The following CEP170B variants were observed in gnomAD, a reference collection of about 807,000 sequenced individuals.
The protein encoded by CEP170B is centrosomal protein 170B.
CEP170B carries 55 observed loss-of-function variants against 120.6 expected under a neutral mutation model. The ratio of observed to expected loss-of-function variants is 0.46; its 90% CI spans 0.37 to 0.57. The LOEUF (loss-of-function observed/expected upper bound fraction) is 0.57, where lower values mean the gene tolerates loss of function less well. Ranked by LOEUF, CEP170B falls within the 20% of genes least tolerant of loss-of-function variation. The probability of loss-of-function intolerance (pLI) is 0.00; values close to 1 mark genes in which losing one functional copy is unlikely to be tolerated. For synonymous variants in CEP170B, 1,033 were observed against 954.5 expected (o/e 1.08, Z -1.52); for missense variants, 2,212 against 2,253.3 (o/e 0.98, Z 0.37).
At chr14:104,874,511 C>T (rs980103449) in intron 2 of CEP170B, among the ~76,000 whole-genome samples, 5 of 152,060 alleles carry the variant, frequency 3.3e-5, no homozygotes, top group Admixed American at 1.3e-4. Flanking sequence ...TGGGAAACCA[C>T]GGGCTGTGTC....
chr14:104,869,253 A>T (rs1379200167), intron 2 of CEP170B, among the ~76,000 whole-genome samples: 2 of 152,072 alleles, frequency 1.3e-5, no homozygotes, highest in African/African-American at 4.8e-5. Flanking sequence ...CCTGTGAACG[A>T]GTTGGGCTCC....
Position 104,889,663 on chromosome 14 carries a change from C to T in CEP170B, c.3783C>T (p.Ser1261=). The T allele has an allele frequency of 6.2e-7, 1 of 1,612,174 alleles. No homozygotes were observed. Among genetic ancestry groups the T allele is most frequent in the Non-Finnish European group, 8.5e-7 (1 of 1,179,740 alleles). ...CTGGCAGCTCCAGCCGGGCTCGTTCCCGGGCCCCCGGCCCCCGGGACACGG... is the reference window on the plus strand; with the variant it reads ...CTGGCAGCTCCAGCCGGGCTCGTTCTCGGGCCCCCGGCCCCCGGGACACGG... ...PRAGSSSRAR[S]RAPGPRDTDD... is the part of the protein sequence containing the mutation. The change falls in exon 13 of 19, where the codon TCC becomes TCT. Residue 1261 remains serine, a synonymous_variant. Transcript: ENST00000414716.
At chr14:104,888,965 G>A (rs1029654875) in intron 12 of CEP170B, among the ~76,000 whole-genome samples, 4 of 152,222 alleles carry the variant, frequency 2.6e-5, no homozygotes, top group Non-Finnish European at 1.5e-5. Flanking sequence ...ATCATGCCCC[G>A]CTACAGTGCA....
intron 15 of CEP170B, 36 bp from the exon 16 acceptor site, chr14:104,893,725 C>A: frequency 6.3e-7 from 1 of 1,589,200 alleles, no homozygotes; most frequent in Non-Finnish European, 8.6e-7. Context: ...CGGGGCTCCT[C>A]GAGGGCGGGG....
At position 104,884,246 on chromosome 14, in the gene CEP170B, CT is replaced by C; in HGVS notation, c.1469del (p.Phe490SerfsTer41). The C allele has an allele frequency of 6.5e-7, 1 of 1,544,978 alleles. No homozygotes were observed. Among genetic ancestry groups the C allele is most frequent in the Admixed American group, 2.0e-5 (1 of 51,258 alleles). ...SPASRTPARP[F>X]GSVGRRSRLA... The stretch of plus-strand genomic sequence containing the variant: ...CCGCCTCCCGAACCCCTGCCCGCCC[CT>C]TCGGAAGCGTGGGGCGCCGCTCCCG... On this transcript the variant is annotated frameshift_variant, in exon 9 of 19. Transcript: ENST00000414716. LOFTEE classifies it high-confidence loss of function.
Position 104,894,345 on chromosome 14 carries a change from G to A in CEP170B, c.4332G>A (p.Glu1444=), listed in dbSNP as rs1414346465. The A allele has an allele frequency of 1.2e-6, 2 of 1,613,622 alleles. No homozygotes were observed. Among genetic ancestry groups the A allele is most frequent in the Admixed American group, 3.3e-5 (2 of 60,022 alleles). The change falls in exon 17 of 19, where the codon GAG becomes GAA. Residue 1444 remains glutamate (E), a synonymous_variant. Transcript: ENST00000414716. ...ACCTGGAAGCCAGGATCAACGCCGA[G>A]AACGAGGTGCCCATCCTGAAGACAT... ...WEDLEARINA[E]NEVPILKTSN... is the part of the protein sequence containing the mutation.
At position 104,868,301 on chromosome 14, in the gene CEP170B, C is replaced by T; in HGVS notation, c.-27-123C>T. 1 of 688,934 alleles carries T rather than the reference C, an allele frequency of 1.5e-6. No homozygotes were observed. The highest frequency in any genetic ancestry group is 1.9e-5 in the South Asian group (1 of 52,466). 42.7% of individuals were successfully genotyped at this position (688,934 alleles called of 1,614,324 possible). Reference sequence around the variant, plus strand: ...GCGGGTGGCCTGATGAGGCTGGAGCCCAGCTTCTCCGGAAGCTGCCAGCTT... The same window carrying T: ...GCGGGTGGCCTGATGAGGCTGGAGCTCAGCTTCTCCGGAAGCTGCCAGCTT... On this transcript the variant is annotated intron_variant, in intron 1 of 18. Coordinates refer to ENST00000414716, the MANE Select transcript of CEP170B (RefSeq NM_001112726.3). This position sits in a 1 kb window ranked among gnomAD's most constrained non-coding sequence, Gnocchi z 5.9.
chr14:104,879,560 G>A (rs748405476), intron 5 of CEP170B, among the ~76,000 whole-genome samples: 9 of 152,126 alleles, frequency 5.9e-5, no homozygotes, highest in Admixed American at 3.9e-4. Context: ...ATCTCCTCCC[G>A]CACTGCCCGC....
At position 104,876,286 on chromosome 14, in the gene CEP170B, A is replaced by G; in HGVS notation, c.136A>G (p.Ile46Val). Residue 46 changes from isoleucine (I) to valine (V), a missense_variant, in exon 3 of 19, where the codon ATC (isoleucine) becomes GTC (valine). This residue lies in a region of CEP170B where 46 missense variants were observed against 86.6 expected (regional missense o/e 0.53). Coordinates refer to ENST00000414716, the MANE Select transcript of CEP170B (RefSeq NM_001112726.3). ...CAGCGTGGACAAGCAGCATGCCGTCATCAACTACGACCAGGACAGGGACGA... is the reference window on the plus strand; with the variant it reads ...CAGCGTGGACAAGCAGCATGCCGTCGTCAACTACGACCAGGACAGGGACGA... ...SRSVDKQHAV[I>V]NYDQDRDEHW... 2 of 1,550,854 alleles carry G rather than the reference A, an allele frequency of 1.3e-6. No individual in the cohort carries two copies. The highest frequency in any genetic ancestry group is 1.7e-6 in the Non-Finnish European group (2 of 1,146,804).
intron 3 of CEP170B, 25 bp from the exon 4 acceptor site, chr14:104,877,860 C>T (rs755486127): frequency 1.3e-5 from 14 of 1,110,362 alleles, no homozygotes; most frequent in South Asian, 9.2e-5. Context: ...CTCCCCCCCC[C>T]CCCCCGCCAC....
At chr14:104,885,570 A>G (rs1270807715) in intron 10 of CEP170B, 28 bp downstream of exon 10, 1 of 1,535,396 alleles carries the variant, frequency 6.5e-7, no homozygotes, top group Non-Finnish European at 8.7e-7. Context: ...CACCCCAAGG[A>G]GGGGCTGGGC....
intron 2 of CEP170B, among the ~76,000 whole-genome samples, chr14:104,873,769 G>A (rs1895695017): frequency 6.6e-6 from 1 of 152,122 alleles, no homozygotes; most frequent in African/African-American, 2.4e-5. Flanking sequence ...TTCCAGAGGG[G>A]ACAGGGGCAG....
Position 104,884,187 on chromosome 14 carries a change from G to C in CEP170B, c.1408G>C (p.Glu470Gln). 1 of 1,546,408 alleles carries C rather than the reference G, an allele frequency of 6.5e-7. No individual in the cohort carries two copies. The highest frequency in any genetic ancestry group is 8.7e-7 in the Non-Finnish European group (1 of 1,148,260). The change falls in exon 9 of 19, where the codon GAG becomes CAG. Residue 470 changes from glutamate (E) to glutamine (Q), a missense_variant. By Grantham distance (29) the Glu-to-Gln change is conservative. Transcript: ENST00000414716. ...ACAGAGGGCCGGCTCGCTCAAGCGGGAGAAGACAGAGGAACGGCTGGGCAG... is the reference window on the plus strand; with the variant it reads ...ACAGAGGGCCGGCTCGCTCAAGCGGCAGAAGACAGAGGAACGGCTGGGCAG... The part of the protein sequence containing the change: ...GPQRAGSLKR[E>Q]KTEERLGSPS...
At chr14:104,889,378 C>T in intron 12 of CEP170B, 1 of 919,550 alleles carries the variant, frequency 1.1e-6, no homozygotes, top group African/African-American at 1.7e-5. Context: ...TGAAGGGCTA[C>T]TGGGTGGGGG....
At chr14:104,890,586 A>ATGGATGGG (rs1896786733) in intron 13 of CEP170B, among the ~76,000 whole-genome samples, 1 of 91,310 alleles carries the variant, frequency 1.1e-5, no homozygotes, top group Non-Finnish European at 2.4e-5. Flanking sequence ...GGATGGATGG[A>ATGGATGGG]TGGGTGAGTG....
chr14:104,874,507 A>T (rs1290540887), intron 2 of CEP170B, among the ~76,000 whole-genome samples: 2 of 151,926 alleles, frequency 1.3e-5, no homozygotes, highest in Non-Finnish European at 1.5e-5. Flanking sequence ...TTTCTGGGAA[A>T]CCACGGGCTG....
Position 104,883,308 on chromosome 14 carries a change from A to G in CEP170B, c.851A>G (p.Lys284Arg). 7 of 1,612,176 alleles carry G rather than the reference A, an allele frequency of 4.3e-6. No individual in the cohort carries two copies. Among genetic ancestry groups the G allele is most frequent in the Non-Finnish European group, 5.9e-6 (7 of 1,179,710 alleles). Residue 284 changes from lysine (K) to arginine (R), a missense_variant, in exon 8 of 19, where the codon AAG becomes AGG. This residue lies in a region of CEP170B where 2,166 missense variants were observed against 2,166.7 expected (regional missense o/e 1.00). Coordinates refer to ENST00000414716, the MANE Select transcript of CEP170B (RefSeq NM_001112726.3). ...DDCSPGKMKI[K>R]DHITKFSLRQ... ...TGCAGCCCTGGCAAGATGAAGATCA[A>G]GGACCATATCACCAAGTTTTCCCTG...
chr14:104,880,503 C>T, intron 6 of CEP170B, 78 bp downstream of exon 6: 2 of 1,555,204 alleles, frequency 1.3e-6, no homozygotes, highest in Admixed American at 1.9e-5. Context: ...CCTCTCTGCA[C>T]CCCTTAACCC....
Position 104,886,079 on chromosome 14 carries a change from G to T in CEP170B, c.1984G>T (p.Val662Leu), listed in dbSNP as rs1896479927. 1 of 1,546,834 alleles carries T rather than the reference G, an allele frequency of 6.5e-7. No individual in the cohort carries two copies. The highest frequency in any genetic ancestry group is 2.4e-5 in the East Asian group (1 of 40,950). ...VPGSPGGQKW[V>L]SRWASLADSY... Reference sequence around the variant, plus strand: ...GGGCTCCCCTGGGGGTCAGAAGTGGGTGTCCCGCTGGGCCAGCCTGGCTGA... The same window carrying T: ...GGGCTCCCCTGGGGGTCAGAAGTGGTTGTCCCGCTGGGCCAGCCTGGCTGA... Residue 662 changes from valine (V) to leucine (L), a missense_variant, in exon 11 of 19, where the codon GTG becomes TTG. By Grantham distance (32) the Val-to-Leu change is conservative. This residue lies in a region of CEP170B where 2,166 missense variants were observed against 2,166.7 expected (regional missense o/e 1.00). Transcript: ENST00000414716.
Sources: gnomAD v4.1 joint callset for allele counts (sites outside exome capture counted in the v4.1 genomes callset) on GRCh38, gnomAD v4.1.1 for gene constraint, gnomAD v4.1.1 regional missense constraint, Gnocchi (gnomAD v3.1) non-coding constraint, MANE v1.5 for transcripts, NCBI Gene and HGNC (gene_info 2026-07-23, HGNC 2026-07-21) for gene names.